The following ADGRV1 variants were observed in gnomAD, a reference collection of about 807,000 sequenced individuals.
ADGRV1 encodes G-protein coupled receptor 98.
Under a neutral mutation model 596.2 loss-of-function variants are expected in ADGRV1, and 359 were observed. The observed-to-expected ratio is 0.60, with a 90% CI of 0.55 to 0.66. The LOEUF (loss-of-function observed/expected upper bound fraction) is 0.66, where lower values mean the gene tolerates loss of function less well. ADGRV1 is among the 30% of genes least tolerant of loss of function. ADGRV1 has a pLI of 0.00. For missense variants in ADGRV1, 7,274 were observed against 7,575.6 expected (o/e 0.96, Z 1.48); for synonymous variants, 2,681 against 2,679.2 (o/e 1.00, Z -0.02).
intron 83 of ADGRV1, among the ~76,000 whole-genome samples, chr5:90,901,468 T>A (rs1771834305): frequency 1.3e-5 from 2 of 152,090 alleles, no homozygotes; most frequent in Non-Finnish European, 2.9e-5. Flanking sequence ...CCCCTAAACC[T>A]TTGTACCCAA....
At chr5:90,967,659 G>A (rs183732326) in intron 84 of ADGRV1, among the ~76,000 whole-genome samples, 4 of 152,162 alleles carry the variant, frequency 2.6e-5, no homozygotes, top group Admixed American at 1.3e-4. Context: ...AGATATGTAC[G>A]TGGTACAGAA....
intron 21 of ADGRV1, among the ~76,000 whole-genome samples, chr5:90,666,228 A>G (rs568310118): frequency 6.6e-6 from 1 of 151,844 alleles, no homozygotes; most frequent in African/African-American, 2.4e-5. Flanking sequence ...AAAGTCTCCC[A>G]TTATTAATGT....
At chr5:90,925,218 G>T (rs1265471310) in intron 83 of ADGRV1, among the ~76,000 whole-genome samples, 1 of 151,902 alleles carries the variant, frequency 6.6e-6, no homozygotes, top group Non-Finnish European at 1.5e-5. Context: ...AAGTTACCTT[G>T]GGCAGTATGG....
At chr5:91,123,537 C>T (rs1793504685) in intron 87 of ADGRV1, among the ~76,000 whole-genome samples, 1 of 152,146 alleles carries the variant, frequency 6.6e-6, no homozygotes, top group African/African-American at 2.4e-5. Flanking sequence ...GACCTAATCA[C>T]CTCCTAAGGC....
intron 31 of ADGRV1, 170 bp downstream of exon 31, chr5:90,691,211 A>C (rs1369203000): frequency 4.7e-6 from 4 of 845,328 alleles, no homozygotes; most frequent in Non-Finnish European, 7.8e-6. Context: ...CAAAAGCAGG[A>C]ATATTCTAGA....
chr5:90,841,682 A>C (rs1765445402), intron 78 of ADGRV1, among the ~76,000 whole-genome samples: 1 of 152,212 alleles, frequency 6.6e-6, no homozygotes, highest in African/African-American at 2.4e-5. Flanking sequence ...TTTCTTATCA[A>C]GATATTTCCT....
intron 27 of ADGRV1, 111 bp downstream of exon 27, chr5:90,681,565 A>G: frequency 2.8e-6 from 3 of 1,056,994 alleles, no homozygotes; most frequent in African/African-American, 1.6e-5. Flanking sequence ...GCTGAGGGGA[A>G]TGAGCCTATT....
chr5:90,954,571 A>C (rs1045981432), intron 83 of ADGRV1, among the ~76,000 whole-genome samples: 3 of 152,194 alleles, frequency 2.0e-5, no homozygotes, highest in African/African-American at 7.2e-5. Context: ...AATTATGACT[A>C]TGATGCATTA....
intron 52 of ADGRV1, among the ~76,000 whole-genome samples, chr5:90,747,528 C>T (rs1046199971): frequency 1.3e-5 from 2 of 152,202 alleles, no homozygotes; most frequent in South Asian, 2.1e-4. Context: ...CCCCTCCCAC[C>T]CCCATCCATT....
In ADGRV1 at chr5:90,853,491, G is replaced by C; in HGVS notation, c.17412G>C (p.Gln5804His). 6.2e-7 allele frequency: 1 copy of C among 1,612,810 alleles called. No homozygotes were observed. The highest frequency in any genetic ancestry group is 8.5e-7 in the Non-Finnish European group (1 of 1,179,202). ...LVQFTEYSSQ[Q>H]WFISGNNLPT... Reference sequence around the variant, plus strand: ...AGTTTACAGAGTATAGCAGCCAACAGTGGTTTATAAGTGGAAACAATCTTC... The same window carrying C: ...AGTTTACAGAGTATAGCAGCCAACACTGGTTTATAAGTGGAAACAATCTTC... The change falls in exon 80 of 90, where the codon CAG (glutamine) becomes CAC (histidine). Residue 5804 changes from glutamine (Q) to histidine (H), a missense_variant. Transcript: ENST00000405460.
At chr5:90,630,229 C>T (rs1032065581) in intron 9 of ADGRV1, 3 of 152,124 alleles carry the variant, frequency 2.0e-5, no homozygotes, top group Non-Finnish European at 2.9e-5. Flanking sequence ...AAACTCCTGA[C>T]CTCAGATGAT....
chr5:90,977,909 C>T (rs1332274240), intron 84 of ADGRV1, among the ~76,000 whole-genome samples: 1 of 152,104 alleles, frequency 6.6e-6, no homozygotes, highest in Non-Finnish European at 1.5e-5. Flanking sequence ...CCGTTTCCTC[C>T]GGTGTAAACA....
intron 85 of ADGRV1, among the ~76,000 whole-genome samples, chr5:91,004,145 G>T (rs1203943930): frequency 6.6e-6 from 1 of 152,122 alleles, no homozygotes; most frequent in Non-Finnish European, 1.5e-5. Flanking sequence ...GATGGGGGAA[G>T]GCTACCTGTA....
intron 1 of ADGRV1, among the ~76,000 whole-genome samples, chr5:90,566,053 C>T (rs1037493277): frequency 6.6e-6 from 1 of 152,058 alleles, no homozygotes; most frequent in Non-Finnish European, 1.5e-5. Flanking sequence ...GAGTTCTTCG[C>T]ATACTCTAGA....
In ADGRV1 at chr5:90,690,977, C is replaced by T. The variant is rs1315622904; in HGVS notation, c.6887C>T (p.Pro2296Leu). ...GTCTCAGGTAATGTGACCTTTGCCC[C>T]TGGGGAAACCATTCAAACCTTGTTG... ...RVVSGNVTFA[P>L]GETIQTLLLE... The change falls in exon 31 of 90, where the codon CCT becomes CTT. Residue 2296 changes from proline (P) to leucine (L), a missense_variant. Coordinates refer to ENST00000405460, the MANE Select transcript of ADGRV1 (RefSeq NM_032119.4). 6.2e-7 allele frequency: 1 copy of T among 1,613,844 alleles called. No homozygotes were observed. Among genetic ancestry groups the T allele is most frequent in the South Asian group, 1.1e-5 (1 of 91,078 alleles).
At chr5:91,162,892 C>G (rs1274433428) in intron 89 of ADGRV1, among the ~76,000 whole-genome samples, 1 of 152,282 alleles carries the variant, frequency 6.6e-6, no homozygotes, top group South Asian at 2.1e-4. Context: ...TCACTTTCCT[C>G]CTTGTTTGCA....
chr5:90,977,758 C>G (rs1243106797), intron 84 of ADGRV1, among the ~76,000 whole-genome samples: 1 of 152,126 alleles, frequency 6.6e-6, no homozygotes, highest in Non-Finnish European at 1.5e-5. Context: ...CTTATAGACA[C>G]AGTCTTTTAG....
chr5:90,596,814 C>T (rs1229805047), intron 1 of ADGRV1, among the ~76,000 whole-genome samples: 3 of 150,538 alleles, frequency 2.0e-5, no homozygotes, highest in East Asian at 2.0e-4. Context: ...GGGGAGAGGG[C>T]GAGGGCGAGG....
At chr5:91,012,545 T>TATC (rs1782808666) in intron 85 of ADGRV1, among the ~76,000 whole-genome samples, 1 of 151,932 alleles carries the variant, frequency 6.6e-6, no homozygotes. Context: ...TATTTTCTTG[T>TATC]ATCATCATTT....
Sources: gnomAD v4.1 joint callset for allele counts (sites outside exome capture counted in the v4.1 genomes callset) on GRCh38, gnomAD v4.1.1 for gene constraint, MANE v1.5 for transcripts, NCBI Gene and HGNC (gene_info 2026-07-23, HGNC 2026-07-21) for gene names.